Variants in MICAL3 observed in about 807,000 individuals in gnomAD.
The protein encoded by MICAL3 is microtubule associated monooxygenase, calponin and LIM domain containing 3.
MICAL3 carries 62 observed loss-of-function variants against 207.4 expected under a neutral mutation model. That is an observed-to-expected ratio of 0.30 (90% CI 0.24 to 0.37). MICAL3 has a LOEUF of 0.37. MICAL3 is among the 10% of genes least tolerant of loss of function. MICAL3 has a pLI of 1.00. For missense variants in MICAL3, 2,368 were observed against 2,635.6 expected (o/e 0.90, Z 2.22); for synonymous variants, 1,077 against 1,069.3 (o/e 1.01, Z -0.14).
In MICAL3 at chr22:17,793,322, C is replaced by T. The variant is rs138482966; in HGVS notation, c.5651-2021G>A. The stretch of plus-strand genomic sequence containing the variant: ...TTCAGTGGTTGTTTGGAAAGGGGCC[C>T]GAGGGCACTGGTGTAGATCAGTCTT... On this transcript the variant is annotated intron_variant, in intron 29 of 31. Coordinates refer to ENST00000441493, the MANE Select transcript of MICAL3 (RefSeq NM_015241.3). The surrounding 1 kb of genome is among the most constrained non-coding windows in gnomAD (Gnocchi z 4.1). Among the ~76,000 whole-genome samples, 2,719 of 152,284 alleles carry T rather than the reference C, an allele frequency of 0.018. 30 individuals carry two copies. Among genetic ancestry groups the T allele is most frequent in the African/African-American group, 0.022 (910 of 41,552 alleles).
chr22:17,957,580 G>A (rs1353508773), intron 1 of MICAL3, among the ~76,000 whole-genome samples: 2 of 151,862 alleles, frequency 1.3e-5, no homozygotes, highest in East Asian at 1.9e-4. Flanking sequence ...GCATGGTCGC[G>A]TGCGCCTGTA....
chr22:17,952,820 G>A (rs1018675609), intron 1 of MICAL3, among the ~76,000 whole-genome samples: 17 of 152,162 alleles, frequency 1.1e-4, no homozygotes, highest in African/African-American at 3.9e-4. Flanking sequence ...GCCTCGGTTC[G>A]ATCCCAGCTC....
At chr22:17,813,983 T>C (rs1367991436) in intron 27 of MICAL3, 1 of 152,272 alleles carries the variant, frequency 6.6e-6, no homozygotes, top group East Asian at 1.9e-4. Context: ...CTAAATTTTC[T>C]ATAATAAACA....
At chr22:17,792,628 G>C (rs973301823) in intron 29 of MICAL3, among the ~76,000 whole-genome samples, 1 of 152,232 alleles carries the variant, frequency 6.6e-6, no homozygotes, top group African/African-American at 2.4e-5. Flanking sequence ...GTGTCTGCTA[G>C]ACAGTTAGTC....
At chr22:17,800,501 G>A (rs1047725053) in intron 29 of MICAL3, among the ~76,000 whole-genome samples, 2 of 152,116 alleles carry the variant, frequency 1.3e-5, no homozygotes, top group South Asian at 4.2e-4. Context: ...TGTGAGGAAG[G>A]GAAATCTTCA....
Position 17,819,692 on chromosome 22 carries a change from C to T in MICAL3, c.3532-563G>A, listed in dbSNP as rs1921334618. 1.3e-5 allele frequency among the ~76,000 whole-genome samples: 2 copies of T among 152,086 alleles called. 1 individual carries two copies. The highest frequency in any genetic ancestry group is 4.1e-4 in the South Asian group (2 of 4,824). ...CAGTGGCTCACACCTGTAATCCCAG[C>T]ACTTTGGGAGGACGAAGTGGGCAGA... On this transcript the variant is annotated intron_variant, in intron 25 of 31. Transcript: ENST00000441493.
intron 16 of MICAL3, chr22:17,881,272 G>C (rs1318108575): frequency 5.0e-6 from 8 of 1,611,054 alleles, no homozygotes; most frequent in Non-Finnish European, 6.8e-6. Context: ...CACTTTTTTG[G>C]GGCAGGTCCG....
At chr22:17,939,133 A>G (rs5992907) in intron 1 of MICAL3, among the ~76,000 whole-genome samples, 89,169 of 151,964 alleles carry the variant, frequency 0.59, 27,146 homozygotes, top group African/African-American at 0.75. Context: ...AAAGTGACTT[A>G]AGTTGGCACA....
chr22:17,804,331 G>C (rs1407549828), intron 29 of MICAL3, among the ~76,000 whole-genome samples: 1 of 152,180 alleles, frequency 6.6e-6, no homozygotes, highest in African/African-American at 2.4e-5. Context: ...GAAATCCTTA[G>C]GTTTCGTGCA....
intron 1 of MICAL3, among the ~76,000 whole-genome samples, chr22:18,022,553 C>A (rs570827777): frequency 6.6e-6 from 1 of 152,028 alleles, no homozygotes; most frequent in East Asian, 1.9e-4. Flanking sequence ...CTCAGCCTCC[C>A]GAGTAGCTGG....
Position 17,818,598 on chromosome 22 carries a change from T to C in MICAL3, c.4063A>G (p.Thr1355Ala). 6.2e-7 allele frequency: 1 copy of C among 1,613,464 alleles called. No individual in the cohort carries two copies. The highest frequency in any genetic ancestry group is 1.3e-5 in the African/African-American group (1 of 75,010). ...RSKGPEPSFP[T>A]PAFRPVSLKS... ...AGGGACACTGGCCTGAAGGCAGGCG[T>C]GGGGAAGCTGGGCTCGGGCCCCTTG... The change falls in exon 26 of 32, where the codon ACG (threonine) becomes GCG (alanine). Residue 1355 changes from threonine (T) to alanine (A), a missense_variant. Transcript: ENST00000441493.
intron 1 of MICAL3, among the ~76,000 whole-genome samples, chr22:17,914,154 G>A (rs1190799594): frequency 6.6e-6 from 1 of 152,158 alleles, no homozygotes; most frequent in South Asian, 2.1e-4. Flanking sequence ...GAACAACAGG[G>A]TTCAGATGGT....
chr22:17,857,465 T>C lies in MICAL3; in HGVS notation c.2605+7434A>G, dbSNP rs1441222811. Among the ~76,000 whole-genome samples the C allele has an allele frequency of 2.6e-5, 4 of 152,228 alleles. No individual in the cohort carries two copies. The South Asian group carries it at 6.2e-4, about 24-fold the overall frequency. On this transcript the variant is annotated intron_variant, in intron 19 of 31. Transcript: ENST00000441493. ...TGTCTTCCACGAAACCAGACCCTGG[T>C]GCCAGCAAGGTTGGGGAACACGGCC...
chr22:17,865,803 C>G (rs1927045528), intron 18 of MICAL3, 121 bp downstream of exon 18: 1 of 775,908 alleles, frequency 1.3e-6, no homozygotes, highest in Admixed American at 2.0e-5. Flanking sequence ...ATTTCGGGCC[C>G]TCCCCGTTCC....
intron 1 of MICAL3, among the ~76,000 whole-genome samples, chr22:17,990,324 A>G (rs1921532154): frequency 6.6e-6 from 1 of 152,146 alleles, no homozygotes; most frequent in Non-Finnish European, 1.5e-5. Flanking sequence ...CTCACTGGAT[A>G]GTCTGGACCC....
chr22:17,817,649 T>A lies in MICAL3; in HGVS notation c.5012A>T (p.Glu1671Val). 1 of 1,612,504 alleles carries A rather than the reference T, an allele frequency of 6.2e-7. No homozygotes were observed. The highest frequency in any genetic ancestry group is 8.5e-7 in the Non-Finnish European group (1 of 1,179,738). Residue 1671 changes from glutamate to valine, a missense_variant, in exon 26 of 32, where the codon GAG becomes GTG. Transcript: ENST00000441493. ...PTLKHEATSE[E>V]VLSPPSDSGG... ...TGAGTCCGACGGCGGGGAGAGGACC[T>A]CCTCGCTGGTGGCTTCATGCTTCAG...
At chr22:17,806,933 G>C (rs1163923000) in intron 29 of MICAL3, among the ~76,000 whole-genome samples, 1 of 152,216 alleles carries the variant, frequency 6.6e-6, no homozygotes, top group African/African-American at 2.4e-5. Context: ...CCCGTGACAG[G>C]GGCGTCGAAG....
At position 17,902,592 on chromosome 22, in the gene MICAL3, A is replaced by G. The variant is rs1026557421; in HGVS notation, c.589+39T>C. 2.4e-5 allele frequency: 30 copies of G among 1,246,660 alleles called. No individual in the cohort carries two copies. The highest frequency in any genetic ancestry group is 3.3e-5 in the Non-Finnish European group (29 of 868,776). The allele number at this position is 1,246,660 out of a possible 1,614,324, so 77.2% of individuals were successfully genotyped here. A position where few individuals can be genotyped will look rare whatever the true frequency, so the allele number is the denominator to read the frequency against. ...AATCTCATCTTCCTCACCCATCAAC[A>G]CCCTCTCACGCCTTCTTCACTCCTC... On this transcript the variant is annotated intron_variant, in intron 4 of 31. Transcript: ENST00000441493. This position sits in a 1 kb window ranked among gnomAD's most constrained non-coding sequence, Gnocchi z 4.5.
At chr22:17,929,206 C>G (rs1933098610) in intron 1 of MICAL3, among the ~76,000 whole-genome samples, 1 of 151,536 alleles carries the variant, frequency 6.6e-6, no homozygotes, top group Admixed American at 6.6e-5. Flanking sequence ...CAAACAATTC[C>G]CCCTACCTCA....
Sources: gnomAD v4.1 joint callset for allele counts (sites outside exome capture counted in the v4.1 genomes callset) on GRCh38, gnomAD v4.1.1 for gene constraint, Gnocchi (gnomAD v3.1) non-coding constraint, MANE v1.5 for transcripts, NCBI Gene and HGNC (gene_info 2026-07-23, HGNC 2026-07-21) for gene names.